Variants in FAT4 observed in about 807,000 individuals in gnomAD.
FAT4 encodes protocadherin Fat 4.
FAT4 carries 84 observed loss-of-function variants against 303.9 expected under a neutral mutation model. That is an observed-to-expected ratio of 0.28 (90% CI 0.23 to 0.33). The LOEUF (loss-of-function observed/expected upper bound fraction) is 0.33. Among genes scored for constraint, FAT4 ranks in the 10% least tolerant of loss-of-function variants. The pLI is 1.00. For missense variants in FAT4, 6,005 were observed against 6,146.8 expected, an observed-to-expected ratio of 0.98 and a Z score of 0.77; for synonymous variants, 2,307 against 2,298.8, an observed-to-expected ratio of 1.00 and a Z score of -0.10.
In FAT4 at chr4:125,350,134, A is replaced by T. The variant is rs1022369239; in HGVS notation, c.5175+28548A>T. Among the ~76,000 whole-genome samples, 5 of 151,170 alleles carry T rather than the reference A, an allele frequency of 3.3e-5. No homozygotes were observed. The East Asian group carries it at 9.7e-4, about 29-fold the overall frequency. On this transcript the variant is annotated intron_variant, in intron 2 of 17. Transcript: ENST00000394329. ...TCTTGTGTAGGACAGTTCTTGCAGG[A>T]ATACAAAGTAATGGTAAATTTTGAT...
Position 125,463,696 on chromosome 4 carries a change from A to T in FAT4, c.11905+29A>T, listed in dbSNP as rs192866007. Reference sequence around the variant, plus strand: ...AGTAAAACTTATTTGTTGATATAAAATATAAGTTTATTTTTGCACACAGTT... The same window carrying T: ...AGTAAAACTTATTTGTTGATATAAATTATAAGTTTATTTTTGCACACAGTT... On this transcript the variant is annotated intron_variant, in intron 11 of 17. Coordinates refer to ENST00000394329, the MANE Select transcript of FAT4 (RefSeq NM_001291303.3). 7.0e-6 allele frequency: 10 copies of T among 1,426,348 alleles called. No homozygotes were observed. The East Asian group carries it at 1.0e-4, about 14-fold the overall frequency. The allele number at this position is 1,426,348 out of a possible 1,614,324, so 88.4% of individuals were successfully genotyped here. A position where few individuals can be genotyped will look rare whatever the true frequency, so the allele number is the denominator to read the frequency against.
chr4:125,364,198 C>A (rs1475925120), intron 2 of FAT4, among the ~76,000 whole-genome samples: 1 of 151,938 alleles, frequency 6.6e-6, no homozygotes, highest in Admixed American at 6.6e-5. Flanking sequence ...CCTCTTTCAT[C>A]CTCCCTCTTG....
intron 7 of FAT4, among the ~76,000 whole-genome samples, chr4:125,426,298 T>C (rs1015836977): frequency 6.6e-6 from 1 of 152,112 alleles, no homozygotes; most frequent in African/African-American, 2.4e-5. Flanking sequence ...TTTTTAATAA[T>C]GAAAATTGCT....
Position 125,481,535 on chromosome 4 carries a change from A to G in FAT4, c.12619A>G (p.Thr4207Ala), listed in dbSNP as rs1473882622. The G allele has an allele frequency of 2.5e-6, 4 of 1,613,660 alleles. No individual in the cohort carries two copies. The highest frequency in any genetic ancestry group is 2.2e-5 in the East Asian group (1 of 44,892). Residue 4207 changes from threonine (T) to alanine (A), a missense_variant, in exon 16 of 18, where the codon ACT becomes GCT. Physicochemically the swap from Thr to Ala is moderately conservative, Grantham distance 58. Coordinates refer to ENST00000394329, the MANE Select transcript of FAT4 (RefSeq NM_001291303.3). ...KYCEKSVTPD[T>A]ALSLEGKGRL... ...TTGACTTCCAGCTGTTACTCCTGAC[A>G]CTGCCTTATCATTAGAAGGCAAAGG... is the stretch of plus-strand genomic sequence containing the variant.
chr4:125,355,035 A>G (rs527793580), intron 2 of FAT4, among the ~76,000 whole-genome samples: 4 of 152,024 alleles, frequency 2.6e-5, no homozygotes, highest in African/African-American at 9.6e-5. Flanking sequence ...GAAATTTAGT[A>G]TAGCCTCTAC....
rs748245015 is a variant in FAT4 at position 125,468,495 on chromosome 4, A to C, written c.11906-17A>C. 3.3e-5 allele frequency: 46 copies of C among 1,410,366 alleles called. No individual in the cohort carries two copies. Among genetic ancestry groups the C allele is most frequent in the Non-Finnish European group, 2.2e-5 (24 of 1,072,234 alleles). 87.4% of individuals were successfully genotyped at this position (1,410,366 alleles called of 1,614,324 possible). ...TCATGAAATTTTATGCCAGTTTGTCAATTTTCCCTCCAACAGGTGTCTTTG... is the reference window on the plus strand; with the variant it reads ...TCATGAAATTTTATGCCAGTTTGTCCATTTTCCCTCCAACAGGTGTCTTTG... On this transcript the variant is annotated splice_polypyrimidine_tract_variant and intron_variant, in intron 11 of 17. Transcript: ENST00000394329.
rs1446584377 is a variant in FAT4 at position 125,388,575 on chromosome 4, T to C, written c.5176-10209T>C. 2.0e-5 allele frequency among the ~76,000 whole-genome samples: 3 copies of C among 152,234 alleles called. 1 individual carries two copies. The highest frequency in any genetic ancestry group is 4.1e-4 in the South Asian group (2 of 4,836). On this transcript the variant is annotated intron_variant, in intron 2 of 17. Transcript: ENST00000394329. ...TATAAAAATTTCCATAAGTTTCTTA[T>C]GCAACCACACATATTTTAACTTGAT...
chr4:125,318,651 C>T lies in FAT4; in HGVS notation c.2240C>T (p.Thr747Ile). 1.2e-6 allele frequency: 2 copies of T among 1,614,098 alleles called. No individual in the cohort carries two copies. The highest frequency in any genetic ancestry group is 1.3e-5 in the African/African-American group (1 of 75,008). Reference sequence around the variant, plus strand: ...AATGCTCAGAGTGGGGTTATTTCTACAAGAATGGCCCTAGACAGAGAAGAA... The same window carrying T: ...AATGCTCAGAGTGGGGTTATTTCTATAAGAATGGCCCTAGACAGAGAAGAA... Reference protein sequence around the residue: ...QVNAQSGVISTRMALDREEKT... With the variant: ...QVNAQSGVISIRMALDREEKT... The change falls in exon 2 of 18, where the codon ACA becomes ATA. Residue 747 changes from threonine to isoleucine, a missense_variant. Coordinates refer to ENST00000394329, the MANE Select transcript of FAT4 (RefSeq NM_001291303.3).
chr4:125,367,601 A>G (rs1260971170), intron 2 of FAT4, among the ~76,000 whole-genome samples: 1 of 152,210 alleles, frequency 6.6e-6, no homozygotes, highest in African/African-American at 2.4e-5. Context: ...GTTGGGGGAA[A>G]AAATAACATA....
chr4:125,490,255 T>C lies in FAT4; in HGVS notation c.13439T>C (p.Val4480Ala). 2 of 1,614,004 alleles carry C rather than the reference T, an allele frequency of 1.2e-6. No individual in the cohort carries two copies. The highest frequency in any genetic ancestry group is 1.7e-6 in the Non-Finnish European group (2 of 1,179,996). Reference sequence around the variant, plus strand: ...GGCGTCCTCTGTCCTCAGGGGAAGGTGTGCAAAGCTGGAAGTCCTGCGGGG... The same window carrying C: ...GGCGTCCTCTGTCCTCAGGGGAAGGCGTGCAAAGCTGGAAGTCCTGCGGGG... ...CLGVLCPQGKVCKAGSPAGHV... is the reference protein window; with the variant it reads ...CLGVLCPQGKACKAGSPAGHV... Residue 4480 changes from valine (V) to alanine (A), a missense_variant, in exon 18 of 18, where the codon GTG (valine) becomes GCG (alanine). Coordinates refer to ENST00000394329, the MANE Select transcript of FAT4 (RefSeq NM_001291303.3).
intron 10 of FAT4, among the ~76,000 whole-genome samples, chr4:125,460,405 A>C (rs2126068664): frequency 6.6e-6 from 1 of 152,126 alleles, no homozygotes; most frequent in Admixed American, 6.6e-5. Context: ...AATACCAAAT[A>C]GTGATCTTTC....
intron 12 of FAT4, among the ~76,000 whole-genome samples, chr4:125,473,253 A>T (rs1049418627): frequency 6.6e-6 from 1 of 152,100 alleles, no homozygotes; most frequent in Admixed American, 6.5e-5. Context: ...TAACCTTTTG[A>T]AGTAAAATAA....
Position 125,318,415 on chromosome 4 carries a change from C to T in FAT4, c.2004C>T (p.Pro668=). The part of the protein sequence containing the change: ...LVLATDLGSP[P]QSSMARINVS... Reference sequence around the variant, plus strand: ...TGGCCACAGATCTGGGCTCCCCTCCCCAGTCATCAATGGCTCGCATAAATG... The same window carrying T: ...TGGCCACAGATCTGGGCTCCCCTCCTCAGTCATCAATGGCTCGCATAAATG... Residue 668 remains proline, a synonymous_variant, in exon 2 of 18, where the codon CCC becomes CCT. Coordinates refer to ENST00000394329, the MANE Select transcript of FAT4 (RefSeq NM_001291303.3). 1 of 1,614,150 alleles carries T rather than the reference C, an allele frequency of 6.2e-7. No individual in the cohort carries two copies. Among genetic ancestry groups the T allele is most frequent in the Non-Finnish European group, 8.5e-7 (1 of 1,180,028 alleles).
At chr4:125,343,930 C>T (rs1481408985) in intron 2 of FAT4, among the ~76,000 whole-genome samples, 1 of 152,096 alleles carries the variant, frequency 6.6e-6, no homozygotes, top group Non-Finnish European at 1.5e-5. Context: ...GAATTGGTCT[C>T]TGGATCATGT....
chr4:125,368,501 G>GTATGTATATATTATATA (rs1206890375), intron 2 of FAT4, among the ~76,000 whole-genome samples: 13 of 141,438 alleles, frequency 9.2e-5, no homozygotes, highest in African/African-American at 3.0e-4. Flanking sequence ...ATATATATAT[G>GTATGTATATATTATATA]TATGTATATA....
intron 2 of FAT4, among the ~76,000 whole-genome samples, chr4:125,340,452 C>A (rs111665781): frequency 3.3e-5 from 5 of 151,904 alleles, no homozygotes; most frequent in African/African-American, 7.2e-5. Flanking sequence ...GGCGTGATCT[C>A]GGCTAGCTGC....
chr4:125,396,742 T>A (rs1232009449), intron 2 of FAT4, among the ~76,000 whole-genome samples: 1 of 152,090 alleles, frequency 6.6e-6, no homozygotes, highest in Non-Finnish European at 1.5e-5. Context: ...TTAGAATTTT[T>A]TAAAATTCTA....
At chr4:125,360,156 GC>G (rs1256346085) in intron 2 of FAT4, among the ~76,000 whole-genome samples, 1 of 151,946 alleles carries the variant, frequency 6.6e-6, no homozygotes, top group African/African-American at 2.4e-5. Flanking sequence ...AAGCTCTCAT[GC>G]CCCTTCGCAA....
intron 7 of FAT4, among the ~76,000 whole-genome samples, chr4:125,423,788 G>T (rs1404509621): frequency 6.6e-6 from 1 of 152,160 alleles, no homozygotes; most frequent in South Asian, 2.1e-4. Flanking sequence ...CCAAGACCAT[G>T]GGAGCCCATG....
Sources: allele counts gnomAD v4.1 joint callset (sites outside exome capture counted in the v4.1 genomes callset), GRCh38; gene constraint gnomAD v4.1.1; transcripts MANE v1.5; gene names NCBI Gene and HGNC (gene_info 2026-07-23, HGNC 2026-07-21).